The following HS3ST4 variants were observed in gnomAD, a reference collection of about 807,000 sequenced individuals.
The protein encoded by HS3ST4 is heparan sulfate-glucosamine 3-sulfotransferase 4, also known as heparan sulfate glucosamine 3-O-sulfotransferase 4.
A neutral mutation model predicts 29.2 loss-of-function variants in HS3ST4; 17 were observed. The observed-to-expected ratio is 0.58, with a 90% CI of 0.40 to 0.87. The LOEUF is 0.87. HS3ST4 is among the 40% of genes least tolerant of loss of function. The pLI is 0.00. For synonymous variants in HS3ST4, 314 were observed against 285.7 expected, an observed-to-expected ratio of 1.10 and a Z score of -1.00; for missense variants, 627 against 634.5, an observed-to-expected ratio of 0.99 and a Z score of 0.13.
At chr16:25,748,481 A>G (rs887681861) in intron 1 of HS3ST4, among the ~76,000 whole-genome samples, 1 of 152,198 alleles carries the variant, frequency 6.6e-6, no homozygotes, top group African/African-American at 2.4e-5. Flanking sequence ...AGAGCATCAC[A>G]TATTATGCAA....
intron 1 of HS3ST4, among the ~76,000 whole-genome samples, chr16:25,945,418 C>A (rs1037678750): frequency 6.6e-6 from 1 of 152,126 alleles, no homozygotes; most frequent in African/African-American, 2.4e-5. Context: ...AATTTGGTTC[C>A]CAGGCTTTTG....
At chr16:26,084,445 G>C (rs950445437) in intron 1 of HS3ST4, among the ~76,000 whole-genome samples, 1 of 152,056 alleles carries the variant, frequency 6.6e-6, no homozygotes, top group Non-Finnish European at 1.5e-5. Flanking sequence ...TTTTCTTTCT[G>C]AATGCAAGTC....
chr16:25,746,418 G>T (rs1355842223), intron 1 of HS3ST4, among the ~76,000 whole-genome samples: 3 of 152,116 alleles, frequency 2.0e-5, no homozygotes, highest in Non-Finnish European at 2.9e-5. Context: ...GTGGGCAAAG[G>T]CATGGAGACA....
At chr16:25,694,529 C>T (rs1486469623) in intron 1 of HS3ST4, among the ~76,000 whole-genome samples, 1 of 152,148 alleles carries the variant, frequency 6.6e-6, no homozygotes, top group Non-Finnish European at 1.5e-5. Flanking sequence ...CAGCCCCTTC[C>T]TATCAAAACA....
chr16:25,936,351 A>G (rs1227273777), intron 1 of HS3ST4, among the ~76,000 whole-genome samples: 2 of 152,220 alleles, frequency 1.3e-5, no homozygotes, highest in East Asian at 1.9e-4. Flanking sequence ...TTACTGAGAC[A>G]TGATGAAATC....
At chr16:25,809,884 T>C (rs552659931) in intron 1 of HS3ST4, among the ~76,000 whole-genome samples, 105 of 152,238 alleles carry the variant, frequency 6.9e-4, no homozygotes, top group African/African-American at 2.5e-3. Flanking sequence ...TTTTATTTTG[T>C]AGGTTTTGCT....
At position 25,692,543 on chromosome 16, in the gene HS3ST4, C is replaced by A; in HGVS notation, c.126C>A (p.Ser42=). 6.9e-7 allele frequency: 1 copy of A among 1,453,130 alleles called. No homozygotes were observed. The highest frequency in any genetic ancestry group is 9.1e-7 in the Non-Finnish European group (1 of 1,093,448). 90.0% of individuals were successfully genotyped at this position (1,453,130 alleles called of 1,614,324 possible). ...AGCTGCTTTTTATGTGCACCTTGTC[C>A]CTGTCTGTCACCTACCTGTGCTACA... The part of the protein sequence containing the change: ...ARKLLFMCTL[S]LSVTYLCYSL... The change falls in exon 1 of 2, where the codon TCC becomes TCA. Residue 42 remains serine, a synonymous_variant. Coordinates refer to ENST00000331351, the MANE Select transcript of HS3ST4 (RefSeq NM_006040.3).
chr16:25,864,013 CCGCCTCTT>C (rs58894941), intron 1 of HS3ST4, among the ~76,000 whole-genome samples: 6 of 151,672 alleles, frequency 4.0e-5, no homozygotes, highest in African/African-American at 9.7e-5. Flanking sequence ...CTGCTGCCTG[CCGCCTCTT>C]CGCCTCTTCG....
At chr16:26,115,982 G>A (rs1004481435) in intron 1 of HS3ST4, among the ~76,000 whole-genome samples, 3 of 152,200 alleles carry the variant, frequency 2.0e-5, no homozygotes, top group Non-Finnish European at 2.9e-5. Flanking sequence ...CGTAACAAAC[G>A]TAAGGGCTTA....
Position 25,889,572 on chromosome 16 carries a change from T to C in HS3ST4, c.734+196421T>C, listed in dbSNP as rs1303135737. 2.6e-5 allele frequency among the ~76,000 whole-genome samples: 4 copies of C among 152,326 alleles called. No homozygotes were observed. The East Asian group carries it at 5.8e-4, about 22-fold the overall frequency. On this transcript the variant is annotated intron_variant, in intron 1 of 1. Transcript: ENST00000331351. ...TTAGTGGGATTTTAGGGATTCTTCA[T>C]GCTGTAAGTTGAGATTTCAGGGTGG...
intron 1 of HS3ST4, among the ~76,000 whole-genome samples, chr16:25,776,678 CAG>C (rs1286889213): frequency 1.3e-5 from 2 of 152,208 alleles, no homozygotes; most frequent in Non-Finnish European, 2.9e-5. Flanking sequence ...AAAAAATGAT[CAG>C]ATACCGTGGT....
chr16:25,950,963 C>T (rs1255766132), intron 1 of HS3ST4, among the ~76,000 whole-genome samples: 1 of 152,220 alleles, frequency 6.6e-6, no homozygotes, highest in Non-Finnish European at 1.5e-5. Flanking sequence ...CCTCAGTCCA[C>T]ACCCCACTGG....
intron 1 of HS3ST4, among the ~76,000 whole-genome samples, chr16:25,785,620 AGCTTCCCTGAG>A (rs1333179344): frequency 6.6e-6 from 1 of 152,230 alleles, no homozygotes; most frequent in African/African-American, 2.4e-5. Flanking sequence ...TCTCTGTCTC[AGCTTCCCTGAG>A]GCAGTTAGAT....
intron 1 of HS3ST4, among the ~76,000 whole-genome samples, chr16:25,982,923 C>G (rs1969023090): frequency 6.6e-6 from 1 of 152,210 alleles, no homozygotes; most frequent in African/African-American, 2.4e-5. Flanking sequence ...CAACCTCTTA[C>G]TTATTTAGCA....
chr16:26,081,786 C>CTTTTTT (rs56169806), intron 1 of HS3ST4, among the ~76,000 whole-genome samples: 1 of 84,966 alleles, frequency 1.2e-5, no homozygotes, highest in African/African-American at 4.6e-5. Flanking sequence ...GGAGTACATT[C>CTTTTTT]TTTTTTTTTT....
At chr16:25,984,455 C>T (rs4430747) in intron 1 of HS3ST4, among the ~76,000 whole-genome samples, 140,140 of 152,234 alleles carry the variant, frequency 0.92, 64,636 homozygotes, top group Admixed American at 0.95. Flanking sequence ...CACTTGTCTG[C>T]GGCTGACCTT....
intron 1 of HS3ST4, among the ~76,000 whole-genome samples, chr16:26,049,198 C>A (rs1332330476): frequency 1.3e-5 from 2 of 151,684 alleles, no homozygotes. Flanking sequence ...AAATATTGAA[C>A]AAAGCACAAT....
intron 1 of HS3ST4, among the ~76,000 whole-genome samples, chr16:25,993,633 C>T (rs2141729571): frequency 1.3e-5 from 2 of 151,888 alleles, no homozygotes; most frequent in East Asian, 1.9e-4. Context: ...AATGTTAATA[C>T]CAAGCTCATA....
chr16:25,866,932 A>G (rs1967701765), intron 1 of HS3ST4, among the ~76,000 whole-genome samples: 1 of 152,320 alleles, frequency 6.6e-6, no homozygotes. Flanking sequence ...CGGAATGGTT[A>G]CAGTCAGAAT....
Sources: allele counts gnomAD v4.1 joint callset (sites outside exome capture counted in the v4.1 genomes callset), GRCh38; gene constraint gnomAD v4.1.1; transcripts MANE v1.5; gene names NCBI Gene and HGNC (gene_info 2026-07-23, HGNC 2026-07-21).